The following ARRB1 variants were observed in gnomAD, a reference collection of about 807,000 sequenced individuals.
ARRB1 encodes the protein beta-arrestin-1.
A neutral mutation model predicts 56.8 loss-of-function variants in ARRB1; 21 were observed. The observed-to-expected ratio is 0.37, with a 90% CI of 0.26 to 0.53. The LOEUF (loss-of-function observed/expected upper bound fraction) is 0.53. Among genes scored for constraint, ARRB1 ranks in the 20% least tolerant of loss-of-function variants. The probability of loss-of-function intolerance (pLI) is 0.88; values close to 1 mark genes in which losing one functional copy is unlikely to be tolerated. For synonymous variants in ARRB1, 210 were observed against 218.6 expected (o/e 0.96, Z 0.35); for missense variants, 424 against 553.7 (o/e 0.77, Z 2.35).
intron 13 of ARRB1, 89 bp downstream of exon 13, chr11:75,271,611 AC>A: frequency 7.2e-7 from 1 of 1,386,470 alleles, no homozygotes; most frequent in Non-Finnish European, 9.8e-7. Context: ...ATTCCTTCCA[AC>A]CCAGTGCCCT....
rs929133384 is a variant in ARRB1 at position 75,284,160 on chromosome 11, G to A, written c.157+75C>T. ...CAGGGGAACCAGTGGGGATGGGCAG[G>A]GAGTTCCTATGCTAGAGGTCCGGGG... On this transcript the variant is annotated intron_variant, in intron 4 of 15. Coordinates refer to ENST00000420843, the MANE Select transcript of ARRB1 (RefSeq NM_004041.5). The A allele has an allele frequency of 3.5e-6, 5 of 1,444,190 alleles. No homozygotes were observed. The African/African-American group carries it at 4.2e-5, about 12-fold the overall frequency. 89.5% of individuals were successfully genotyped at this position (1,444,190 alleles called of 1,614,324 possible).
At chr11:75,333,358 TTTTCTTTGGGCC>T in intron 1 of ARRB1, among the ~76,000 whole-genome samples, 1 of 152,180 alleles carries the variant, frequency 6.6e-6, no homozygotes, top group Admixed American at 6.5e-5. Context: ...CTTAACACTG[TTTTCTTTGGGCC>T]CAGTGCAGCT....
chr11:75,302,303 TC>T (rs1467105987), intron 1 of ARRB1, among the ~76,000 whole-genome samples: 8 of 152,208 alleles, frequency 5.3e-5, no homozygotes, highest in Non-Finnish European at 1.0e-4. Context: ...CGGGTTCACT[TC>T]TTTGGCCATG....
At position 75,272,975 on chromosome 11, in the gene ARRB1, C is replaced by A. The variant is rs1211294648; in HGVS notation, c.918G>T (p.Leu306Phe). Residue 306 changes from leucine (L) to phenylalanine (F), a missense_variant, in exon 12 of 16, where the codon TTG becomes TTT. Transcript: ENST00000420843. ...EDTNLASSTLLREGANREILG... is the reference protein window; with the variant it reads ...EDTNLASSTLFREGANREILG... The stretch of plus-strand genomic sequence containing the variant: ...GGATCTCACGGTTGGCACCTTCCCT[C>A]AACCTGCAAAGTGACACAGGGGAGC... 7 of 1,613,998 alleles carry A rather than the reference C, an allele frequency of 4.3e-6. No homozygotes were observed. Among genetic ancestry groups the A allele is most frequent in the Non-Finnish European group, 5.9e-6 (7 of 1,179,916 alleles).
At chr11:75,300,607 G>A (rs1299339398) in intron 1 of ARRB1, among the ~76,000 whole-genome samples, 2 of 152,158 alleles carry the variant, frequency 1.3e-5, no homozygotes, top group Non-Finnish European at 2.9e-5. Flanking sequence ...CGAGGTGGGC[G>A]GATCATGTGG....
At chr11:75,276,982 C>CTCCCG (rs2140414063) in intron 9 of ARRB1, 71 bp from the exon 10 acceptor site, 2 of 1,521,894 alleles carry the variant, frequency 1.3e-6, no homozygotes, top group South Asian at 2.3e-5. Context: ...CAGGCGTCCC[C>CTCCCG]GGGTTGGGGA....
At chr11:75,273,215 G>C (rs1331499674) in intron 11 of ARRB1, among the ~76,000 whole-genome samples, 1 of 152,168 alleles carries the variant, frequency 6.6e-6, no homozygotes, top group Non-Finnish European at 1.5e-5. Context: ...TGGCCCTGCT[G>C]AGCCCCTCTC....
At position 75,324,416 on chromosome 11, in the gene ARRB1, C is replaced by T. The variant is rs116353611; in HGVS notation, c.20+27172G>A. Among the ~76,000 whole-genome samples, 1,135 of 152,310 alleles carry T rather than the reference C, an allele frequency of 7.5e-3. 13 individuals are homozygous for T. Among genetic ancestry groups the T allele is most frequent in the African/African-American group, 0.026 (1,077 of 41,564 alleles). On this transcript the variant is annotated intron_variant, in intron 1 of 15. Transcript: ENST00000420843. ...GAAGCTCCTCTGAGTCCACAGCAGCCGCCCTCGTCAGCCTCAGGTAGGGAT... is the reference window on the plus strand; with the variant it reads ...GAAGCTCCTCTGAGTCCACAGCAGCTGCCCTCGTCAGCCTCAGGTAGGGAT...
In ARRB1 at chr11:75,266,050, TG is replaced by T; in HGVS notation, c.*112del. 2 of 952,612 alleles carry T rather than the reference TG, an allele frequency of 2.1e-6. No individual in the cohort carries two copies. The highest frequency in any genetic ancestry group is 3.2e-4 in the Middle Eastern group (1 of 3,126). The allele number at this position is 952,612 out of a possible 1,614,324, so 59.0% of individuals were successfully genotyped here. On this transcript the variant is annotated 3_prime_UTR_variant, in exon 16 of 16. Transcript: ENST00000420843. ...TGATCTGGAAGCCCACGGGGCCCCC[TG>T]GTAGAAACTGGAAGAACAAAGGGGA...
rs760638181 is a variant in ARRB1 at position 75,267,601 on chromosome 11, C to A, written c.1145+51G>T. On this transcript the variant is annotated intron_variant, in intron 15 of 15. Coordinates refer to ENST00000420843, the MANE Select transcript of ARRB1 (RefSeq NM_004041.5). ...ATATATGCAAATGACCCCCTCCACC[C>A]CGCCCACCCGCGGCCCACCCCCGGA... The A allele has an allele frequency of 4.8e-6, 7 of 1,450,734 alleles. No individual in the cohort carries two copies. In the South Asian group the frequency reaches 8.1e-5, roughly 17 times the overall value. The allele number at this position is 1,450,734 out of a possible 1,614,324, so 89.9% of individuals were successfully genotyped here.
chr11:75,282,990 G>A (rs1158069163), intron 5 of ARRB1, among the ~76,000 whole-genome samples: 1 of 152,212 alleles, frequency 6.6e-6, no homozygotes, highest in Admixed American at 6.5e-5. Flanking sequence ...GTGATGCAGG[G>A]TCCAGAAAGG....
At chr11:75,311,872 C>A (rs1947169093) in intron 1 of ARRB1, among the ~76,000 whole-genome samples, 1 of 152,208 alleles carries the variant, frequency 6.6e-6, no homozygotes, top group Non-Finnish European at 1.5e-5. Context: ...ACCCTCCTCT[C>A]ATCCCCAGCA....
chr11:75,294,606 TA>T (rs879417872), intron 1 of ARRB1, among the ~76,000 whole-genome samples: 24,878 of 74,978 alleles, frequency 0.33, 2,371 homozygotes, highest in East Asian at 0.47. Flanking sequence ...AATAAATAAA[TA>T]ACTTAAAATA....
Position 75,300,998 on chromosome 11 carries a change from G to T in ARRB1, c.21-10959C>A, listed in dbSNP as rs1946891114. ...AAAAAAAAAAAAAATACAAAAATTA[G>T]CTAGGCATGGTCGTGGGCGCCTGTA... On this transcript the variant is annotated intron_variant, in intron 1 of 15. Transcript: ENST00000420843. Among the ~76,000 whole-genome samples the T allele has an allele frequency of 2.0e-5, 3 of 150,148 alleles. No homozygotes were observed. In the South Asian group the frequency reaches 6.3e-4, roughly 32 times the overall value.
intron 1 of ARRB1, among the ~76,000 whole-genome samples, chr11:75,301,808 TTCCCAGCCC>T (rs1946911620): frequency 1.3e-5 from 2 of 152,122 alleles, no homozygotes; most frequent in African/African-American, 4.8e-5. Flanking sequence ...CTGCCAGAAT[TTCCCAGCCC>T]TCCCTGTGTC....
rs1393431175 is a variant in ARRB1, at chr11:75,262,861, T to C, written c.*3302A>G. Among the ~76,000 whole-genome samples the C allele has an allele frequency of 3.3e-5, 5 of 152,160 alleles. No homozygotes were observed. The highest frequency in any genetic ancestry group is 5.9e-5 in the Non-Finnish European group (4 of 68,034). Reference sequence around the variant, plus strand: ...CTCTCCCACAGAACCAACAGCCAGGTGAACCCACTCTAGCAGGTCTGAGCT... The same window carrying C: ...CTCTCCCACAGAACCAACAGCCAGGCGAACCCACTCTAGCAGGTCTGAGCT... On this transcript the variant is annotated 3_prime_UTR_variant, in exon 16 of 16. Transcript: ENST00000420843.
chr11:75,277,710 G>C (rs1351864430), intron 8 of ARRB1, among the ~76,000 whole-genome samples: 5 of 152,204 alleles, frequency 3.3e-5, no homozygotes, highest in Non-Finnish European at 7.3e-5. Context: ...ACTTCCCACT[G>C]CTGCTAAGGT....
At chr11:75,288,368 G>T (rs558703738) in intron 2 of ARRB1, among the ~76,000 whole-genome samples, 5 of 152,098 alleles carry the variant, frequency 3.3e-5, no homozygotes, top group African/African-American at 1.2e-4. Flanking sequence ...TAGCCAGCCG[G>T]GAGGGAAAAA....
chr11:75,277,472 G>A, intron 8 of ARRB1, 24 bp from the exon 9 acceptor site: 2 of 1,607,622 alleles, frequency 1.2e-6, no homozygotes, highest in Non-Finnish European at 1.7e-6. Context: ...GAAGGGACGG[G>A]GTTGGCTGGG....
Sources: gnomAD v4.1 joint callset for allele counts (sites outside exome capture counted in the v4.1 genomes callset) on GRCh38, gnomAD v4.1.1 for gene constraint, MANE v1.5 for transcripts, NCBI Gene and HGNC (gene_info 2026-07-23, HGNC 2026-07-21) for gene names.